Variants in MAGI1 observed in about 807,000 individuals in gnomAD.
MAGI1 encodes membrane-associated guanylate kinase, WW and PDZ domain-containing protein 1.
A neutral mutation model predicts 139.9 loss-of-function variants in MAGI1; 58 were observed. The observed-to-expected ratio is 0.41, with a 90% CI of 0.34 to 0.52. The LOEUF is 0.52. MAGI1 is among the 20% of genes least tolerant of loss of function. The pLI is 0.12. For synonymous variants in MAGI1, 812 were observed against 737.9 expected (o/e 1.10, Z -1.63); for missense variants, 1,874 against 1,901.6 (o/e 0.99, Z 0.27).
chr3:65,556,954 T>C (rs929168752), intron 2 of MAGI1, among the ~76,000 whole-genome samples: 1 of 152,210 alleles, frequency 6.6e-6, no homozygotes, highest in Admixed American at 6.5e-5. Context: ...GAACATTCCA[T>C]GCTCTGACCA....
At chr3:65,757,431 T>C (rs1219547714) in intron 1 of MAGI1, among the ~76,000 whole-genome samples, 1 of 152,116 alleles carries the variant, frequency 6.6e-6, no homozygotes, top group African/African-American at 2.4e-5. Context: ...GATCACCTGA[T>C]GTTCAAGACC....
In MAGI1 at chr3:65,363,493, C is replaced by T; in HGVS notation, c.3467G>A (p.Gly1156Asp). 6.2e-7 allele frequency: 1 copy of T among 1,613,764 alleles called. No homozygotes were observed. Among genetic ancestry groups the T allele is most frequent in the Non-Finnish European group, 8.5e-7 (1 of 1,179,814 alleles). Residue 1156 changes from glycine to aspartate, a missense_variant, in exon 21 of 23, where the codon GGT becomes GAT. Transcript: ENST00000402939. Reference protein sequence around the residue: ...DLYVLRLAEDGPAERCGKMRI... With the variant: ...DLYVLRLAEDDPAERCGKMRI... Reference sequence around the variant, plus strand: ...CATCTTTCCACACCTCTCCGCAGGACCGTCCTCTGCTAAGCGCAGAACATA... The same window carrying T: ...CATCTTTCCACACCTCTCCGCAGGATCGTCCTCTGCTAAGCGCAGAACATA...
chr3:65,861,675 A>G (rs1442601202), intron 1 of MAGI1, among the ~76,000 whole-genome samples: 2 of 152,072 alleles, frequency 1.3e-5, no homozygotes, highest in African/African-American at 2.4e-5. Flanking sequence ...ACTTGACCTC[A>G]GTCATAATGG....
intron 2 of MAGI1, among the ~76,000 whole-genome samples, chr3:65,509,496 G>C (rs1047312382): frequency 6.6e-6 from 1 of 152,198 alleles, no homozygotes; most frequent in Non-Finnish European, 1.5e-5. Flanking sequence ...CACTTGGGAA[G>C]CGCAAGGGGC....
At chr3:65,885,579 T>G in intron 1 of MAGI1, among the ~76,000 whole-genome samples, 1 of 152,110 alleles carries the variant, frequency 6.6e-6, no homozygotes, top group Non-Finnish European at 1.5e-5. Flanking sequence ...GGGAGGTACC[T>G]TAATCATGGG....
At chr3:65,682,302 T>C (rs2087646210) in intron 1 of MAGI1, among the ~76,000 whole-genome samples, 1 of 152,176 alleles carries the variant, frequency 6.6e-6, no homozygotes. Flanking sequence ...GGAATCACTC[T>C]GCCCAATTTT....
At chr3:65,718,340 G>A (rs139883963) in intron 1 of MAGI1, 2 of 152,176 alleles carry the variant, frequency 1.3e-5, no homozygotes, top group African/African-American at 2.4e-5. Context: ...AGAACTTTTT[G>A]CAATTCCTTT....
chr3:65,517,957 T>C (rs1042699751), intron 2 of MAGI1, among the ~76,000 whole-genome samples: 9 of 152,234 alleles, frequency 5.9e-5, no homozygotes, highest in African/African-American at 1.9e-4. Flanking sequence ...ATATACTTAA[T>C]ATGTAATAAC....
In MAGI1 at chr3:65,691,542, A is replaced by AT. The variant is rs563960672; in HGVS notation, c.314-69455dup. On this transcript the variant is annotated intron_variant, in intron 1 of 22. Coordinates refer to ENST00000402939, the MANE Select transcript of MAGI1 (RefSeq NM_001033057.2). ...CCTTTTATAATTATTATTTTTATTT[A>AT]TTTTTAGCAAGTGTAAACTTTTAGC... Among the ~76,000 whole-genome samples the AT allele has an allele frequency of 3.3e-3, 498 of 152,114 alleles. 5 individuals carry two copies. Among genetic ancestry groups the AT allele is most frequent in the African/African-American group, 0.012 (487 of 41,540 alleles).
chr3:65,655,104 C>T (rs1168133136), intron 1 of MAGI1, among the ~76,000 whole-genome samples: 1 of 152,168 alleles, frequency 6.6e-6, no homozygotes, highest in Admixed American at 6.6e-5. Flanking sequence ...CTTTATTACA[C>T]ACAGTGTGTC....
intron 5 of MAGI1, among the ~76,000 whole-genome samples, chr3:65,461,809 T>C (rs369518497): frequency 3.3e-5 from 5 of 152,174 alleles, no homozygotes; most frequent in African/African-American, 7.2e-5. Flanking sequence ...TTTTTAATGA[T>C]TGCCATTCTA....
At chr3:65,963,644 C>G (rs953004914) in intron 1 of MAGI1, among the ~76,000 whole-genome samples, 1 of 151,602 alleles carries the variant, frequency 6.6e-6, no homozygotes, top group Non-Finnish European at 1.5e-5. Context: ...AAAATAATGA[C>G]AATGTAATGT....
At position 65,834,046 on chromosome 3, in the gene MAGI1, C is replaced by A. The variant is rs566775787; in HGVS notation, c.313+203950G>T. 1.1e-4 allele frequency among the ~76,000 whole-genome samples: 17 copies of A among 152,340 alleles called. No homozygotes were observed. In the Middle Eastern group the frequency reaches 0.01, roughly 91 times the overall value. On this transcript the variant is annotated intron_variant, in intron 1 of 22. Coordinates refer to ENST00000402939, the MANE Select transcript of MAGI1 (RefSeq NM_001033057.2). ...GACACTGGGGATCCTGTGGTGAACA[C>A]AACACATGTAATTCCCACTTTTCTG...
chr3:65,530,786 T>TAC (rs1576210312), intron 2 of MAGI1, among the ~76,000 whole-genome samples: 1 of 72,222 alleles, frequency 1.4e-5, no homozygotes, highest in East Asian at 2.6e-4. Flanking sequence ...CACATATATA[T>TAC]ACACGTATAT....
intron 1 of MAGI1, among the ~76,000 whole-genome samples, chr3:65,810,934 G>GTA: frequency 6.6e-6 from 1 of 152,284 alleles, no homozygotes; most frequent in South Asian, 2.1e-4. Flanking sequence ...CAAGTACATG[G>GTA]CATATAGTAG....
At chr3:65,634,309 T>C (rs2084480080) in intron 1 of MAGI1, among the ~76,000 whole-genome samples, 2 of 152,242 alleles carry the variant, frequency 1.3e-5, no homozygotes. Flanking sequence ...ATATTCTTTC[T>C]AAATTCAAGT....
intron 1 of MAGI1, among the ~76,000 whole-genome samples, chr3:65,829,669 GT>G: frequency 6.6e-6 from 1 of 152,262 alleles, no homozygotes; most frequent in Admixed American, 6.5e-5. Flanking sequence ...GCTTACAAAT[GT>G]TTTTTAATAA....
At chr3:65,960,465 C>G (rs1202520628) in intron 1 of MAGI1, among the ~76,000 whole-genome samples, 1 of 152,152 alleles carries the variant, frequency 6.6e-6, no homozygotes, top group African/African-American at 2.4e-5. Context: ...GGCAAGACAT[C>G]TGACTATAGG....
intron 13 of MAGI1, among the ~76,000 whole-genome samples, chr3:65,392,521 T>C (rs1302175068): frequency 6.6e-6 from 1 of 152,164 alleles, no homozygotes; most frequent in Non-Finnish European, 1.5e-5. Context: ...TATAAGAGCT[T>C]TGACCTTGAT....
Sources: allele counts gnomAD v4.1 joint callset (sites outside exome capture counted in the v4.1 genomes callset), GRCh38; gene constraint gnomAD v4.1.1; transcripts MANE v1.5; gene names NCBI Gene and HGNC (gene_info 2026-07-23, HGNC 2026-07-21).